The following TMEM161B variants were observed in gnomAD, a reference collection of about 807,000 sequenced individuals.
TMEM161B encodes the protein transmembrane protein 161B.
A neutral mutation model predicts 61.8 loss-of-function variants in TMEM161B; 34 were observed. The observed-to-expected ratio is 0.55, with a 90% CI of 0.42 to 0.73. The LOEUF is 0.73. Ranked by LOEUF, TMEM161B falls within the 30% of genes least tolerant of loss-of-function variation. The probability of loss-of-function intolerance (pLI) is 0.00; values close to 1 mark genes in which losing one functional copy is unlikely to be tolerated. For missense variants in TMEM161B, 456 were observed against 558.5 expected, an observed-to-expected ratio of 0.82 and a Z score of 1.85; for synonymous variants, 167 against 192.8, an observed-to-expected ratio of 0.87 and a Z score of 1.11.
At chr5:88,248,086 T>C (rs1406881701) in intron 1 of TMEM161B, among the ~76,000 whole-genome samples, 1 of 152,114 alleles carries the variant, frequency 6.6e-6, no homozygotes, top group Non-Finnish European at 1.5e-5. Flanking sequence ...TTGAGAATCA[T>C]CGGTGATATC....
intron 5 of TMEM161B, among the ~76,000 whole-genome samples, chr5:88,212,216 A>G (rs1021649993): frequency 1.3e-5 from 2 of 152,238 alleles, no homozygotes; most frequent in Non-Finnish European, 2.9e-5. Context: ...ACCAAATGCC[A>G]ACAGAAAGAG....
At chr5:88,223,424 T>C (rs927623342) in intron 4 of TMEM161B, among the ~76,000 whole-genome samples, 1 of 152,224 alleles carries the variant, frequency 6.6e-6, no homozygotes, top group African/African-American at 2.4e-5. Flanking sequence ...AATGTTTATA[T>C]ATTCTTGTAT....
chr5:88,196,105 T>A lies in TMEM161B; in HGVS notation c.*106A>T. 1.4e-6 allele frequency: 2 copies of A among 1,462,450 alleles called. No homozygotes were observed. Among genetic ancestry groups the A allele is most frequent in the Admixed American group, 2.7e-5 (1 of 37,016 alleles). 90.6% of individuals were successfully genotyped at this position (1,462,450 alleles called of 1,614,324 possible). ...AATACAAGACATTCTGATATGTTTT[T>A]TTTTTCCCATTGTATTTGCTTTCTT... On this transcript the variant is annotated 3_prime_UTR_variant, in exon 12 of 12. Coordinates refer to ENST00000296595, the MANE Select transcript of TMEM161B (RefSeq NM_153354.5).
At chr5:88,188,821 A>G (rs1185426759), downstream of TMEM161B, among the ~76,000 whole-genome samples, 3 of 152,160 alleles carry the variant, frequency 2.0e-5, no homozygotes, top group African/African-American at 7.2e-5. Flanking sequence ...ACATGTGGTT[A>G]GAGTTGGGGG....
At chr5:88,246,570 G>A (rs1338166574) in intron 1 of TMEM161B, among the ~76,000 whole-genome samples, 1 of 151,818 alleles carries the variant, frequency 6.6e-6, no homozygotes, top group Non-Finnish European at 1.5e-5. Context: ...AATGTATAAA[G>A]TAGCCAGTTC....
intron 2 of TMEM161B, among the ~76,000 whole-genome samples, chr5:88,234,080 G>A (rs893950689): frequency 1.3e-5 from 2 of 152,098 alleles, no homozygotes; most frequent in Non-Finnish European, 2.9e-5. Flanking sequence ...TTTTTTAAGG[G>A]GGAGAGAGGT....
In TMEM161B at chr5:88,195,795, T is replaced by C. The variant is rs988268068; in HGVS notation, c.*416A>G. 4 of 990,192 alleles carry C rather than the reference T, an allele frequency of 4.0e-6. No homozygotes were observed. Among genetic ancestry groups the C allele is most frequent in the Non-Finnish European group, 4.8e-6 (4 of 833,076 alleles). The allele number at this position is 990,192 out of a possible 1,614,324, so 61.3% of individuals were successfully genotyped here. A position where few individuals can be genotyped will look rare whatever the true frequency, so the allele number is the denominator to read the frequency against. The stretch of plus-strand genomic sequence containing the variant: ...TAGCCCCTTTCCCTCCCCTAAAGCA[T>C]GGCTCAGTTTGAAGATTGTTCTATA... On this transcript the variant is annotated 3_prime_UTR_variant, in exon 12 of 12. Coordinates refer to ENST00000296595, the MANE Select transcript of TMEM161B (RefSeq NM_153354.5).
chr5:88,248,783 G>T (rs1430929668), intron 1 of TMEM161B, among the ~76,000 whole-genome samples: 1 of 151,324 alleles, frequency 6.6e-6, no homozygotes, highest in African/African-American at 2.4e-5. Context: ...GCTTATAAAG[G>T]CCTTTTAAAT....
intron 2 of TMEM161B, among the ~76,000 whole-genome samples, chr5:88,239,858 C>T (rs1752441414): frequency 6.6e-6 from 1 of 151,926 alleles, no homozygotes; most frequent in African/African-American, 2.4e-5. Flanking sequence ...GAAATCATTA[C>T]TAGGACAGGT....
chr5:88,262,512 G>A (rs1015503408), intron 1 of TMEM161B, among the ~76,000 whole-genome samples: 1 of 152,114 alleles, frequency 6.6e-6, no homozygotes, highest in Non-Finnish European at 1.5e-5. Flanking sequence ...ATATCCCTCA[G>A]TAGGTGAATA....
At chr5:88,266,877 G>A (rs1030339091) in intron 1 of TMEM161B, among the ~76,000 whole-genome samples, 1 of 152,128 alleles carries the variant, frequency 6.6e-6, no homozygotes, top group African/African-American at 2.4e-5. Context: ...CTTCCAGAAG[G>A]AAAAGAGCCA....
At chr5:88,206,951 A>G in intron 6 of TMEM161B, 78 bp downstream of exon 6, 1 of 1,273,448 alleles carries the variant, frequency 7.9e-7, no homozygotes, top group Non-Finnish European at 1.1e-6. Flanking sequence ...TATCAGACAT[A>G]AAACTTAAAT....
At chr5:88,203,970 C>G (rs1028303408) in intron 8 of TMEM161B, among the ~76,000 whole-genome samples, 2 of 151,278 alleles carry the variant, frequency 1.3e-5, no homozygotes, top group Admixed American at 1.3e-4. Context: ...AATTCTTCAC[C>G]CATTTTATTA....
chr5:88,212,494 T>C (rs1240275946), intron 5 of TMEM161B, among the ~76,000 whole-genome samples: 3 of 152,154 alleles, frequency 2.0e-5, no homozygotes, highest in African/African-American at 7.2e-5. Flanking sequence ...TTCTCTCAGA[T>C]TTAGAATAAC....
Position 88,214,634 on chromosome 5 carries a change from T to A in TMEM161B, c.446+5929A>T, listed in dbSNP as rs113703866. ...CGCCTACAGCAACTCTAAGACTTCATGGGCCATCATACAGGAAAGACATTT... is the reference window on the plus strand; with the variant it reads ...CGCCTACAGCAACTCTAAGACTTCAAGGGCCATCATACAGGAAAGACATTT... On this transcript the variant is annotated intron_variant, in intron 5 of 11. Transcript: ENST00000296595. Among the ~76,000 whole-genome samples the A allele has an allele frequency of 1.9e-3, 295 of 152,302 alleles. 1 individual carries two copies. In the Middle Eastern group the frequency reaches 0.027, roughly 14 times the overall value.
chr5:88,196,027 T>C lies in TMEM161B; in HGVS notation c.*184A>G, dbSNP rs184396126. 1,038 of 1,382,938 alleles carry C rather than the reference T, an allele frequency of 7.5e-4. 4 individuals carry two copies. In the African/African-American group the frequency reaches 0.014, roughly 18 times the overall value. 85.7% of individuals were successfully genotyped at this position (1,382,938 alleles called of 1,614,324 possible). On this transcript the variant is annotated 3_prime_UTR_variant, in exon 12 of 12. Transcript: ENST00000296595. The stretch of plus-strand genomic sequence containing the variant: ...GTGTAACAGTTAACAATCTATTTTG[T>C]AATTTTAAATATTACTACATTAATT...
intron 9 of TMEM161B, 66 bp from the exon 10 acceptor site, chr5:88,199,216 T>C: frequency 6.9e-7 from 1 of 1,459,486 alleles, no homozygotes. Flanking sequence ...TCGTTATATG[T>C]TAATGGTCAC....
intron 1 of TMEM161B, among the ~76,000 whole-genome samples, chr5:88,246,766 C>G (rs1478922654): frequency 6.6e-6 from 1 of 151,868 alleles, no homozygotes; most frequent in Non-Finnish European, 1.5e-5. Context: ...ATAAATTTAT[C>G]CATAATCTTA....
downstream of TMEM161B, among the ~76,000 whole-genome samples, chr5:88,193,656 T>C (rs1749201350): frequency 6.6e-6 from 1 of 152,220 alleles, no homozygotes; most frequent in African/African-American, 2.4e-5. Flanking sequence ...CAATAATGAA[T>C]TCTATGTCTT....
Sources: gnomAD v4.1 joint callset for allele counts (sites outside exome capture counted in the v4.1 genomes callset) on GRCh38, gnomAD v4.1.1 for gene constraint, MANE v1.5 for transcripts, NCBI Gene and HGNC (gene_info 2026-07-23, HGNC 2026-07-21) for gene names.